Variants in CALD1 observed in about 807,000 individuals in gnomAD.
The protein encoded by CALD1 is caldesmon 1, also known as caldesmon.
A neutral mutation model predicts 99.9 loss-of-function variants in CALD1; 33 were observed. The observed-to-expected ratio is 0.33, with a 90% CI of 0.25 to 0.44. The LOEUF (loss-of-function observed/expected upper bound fraction) is 0.44. CALD1 is among the 20% of genes least tolerant of loss of function. The pLI is 1.00. For synonymous variants in CALD1, 310 were observed against 325.0 expected, an observed-to-expected ratio of 0.95 and a Z score of 0.50; for missense variants, 861 against 962.1, an observed-to-expected ratio of 0.89 and a Z score of 1.39.
At chr7:134,934,362 GAATT>G (rs1175963367) in intron 5 of CALD1, among the ~76,000 whole-genome samples, 2 of 152,128 alleles carry the variant, frequency 1.3e-5, no homozygotes, top group Non-Finnish European at 2.9e-5. Context: ...CCCAAAAAAA[GAATT>G]AATCCAAAGA....
chr7:134,938,392 A>G (rs1806161449), intron 6 of CALD1, among the ~76,000 whole-genome samples: 1 of 152,170 alleles, frequency 6.6e-6, no homozygotes. Flanking sequence ...ATCCCCATGT[A>G]TTATTCCACT....
chr7:134,806,802 T>C (rs1166576366), intron 1 of CALD1, among the ~76,000 whole-genome samples: 1 of 152,198 alleles, frequency 6.6e-6, no homozygotes, highest in Non-Finnish European at 1.5e-5. Context: ...TACTTATTTT[T>C]CTATATCTGT....
intron 3 of CALD1, among the ~76,000 whole-genome samples, chr7:134,889,282 A>G (rs1802027373): frequency 6.6e-6 from 1 of 152,172 alleles, no homozygotes; most frequent in Admixed American, 6.5e-5. Flanking sequence ...TCCAGCTTCT[A>G]GAGGAAGTCA....
chr7:134,792,787 G>A (rs1402305809), intron 1 of CALD1, among the ~76,000 whole-genome samples: 2 of 152,162 alleles, frequency 1.3e-5, no homozygotes, highest in African/African-American at 4.8e-5. Flanking sequence ...ACTCACAATG[G>A]TGGTAGAAAT....
chr7:134,758,501 G>GTGTGTGTGTGTGT (rs1796748464), intron 1 of CALD1, among the ~76,000 whole-genome samples: 7 of 145,128 alleles, frequency 4.8e-5, no homozygotes, highest in African/African-American at 1.8e-4. Flanking sequence ...CTCCCATTGG[G>GTGTGTGTGTGTGT]GTGTGTGTGT....
chr7:134,779,660 C>T lies in CALD1; in HGVS notation c.-219C>T, dbSNP rs1296551212. 1.0e-5 allele frequency: 4 copies of T among 398,608 alleles called. No homozygotes were observed. The East Asian group carries it at 1.1e-4, about 11-fold the overall frequency. The allele number at this position is 398,608 out of a possible 1,614,324, so 24.7% of individuals were successfully genotyped here. On this transcript the variant is annotated 5_prime_UTR_variant, in exon 1 of 15. Coordinates refer to ENST00000361675, the MANE Select transcript of CALD1 (RefSeq NM_033138.4). ...GTGTGTATTCGGCTGCCTGCCTGCC[C>T]GCCTGCTTGCTCTCTGGCTGTGCTC... is the stretch of plus-strand genomic sequence containing the variant.
intron 4 of CALD1, among the ~76,000 whole-genome samples, chr7:134,932,272 T>C (rs747488259): frequency 2.0e-5 from 3 of 152,118 alleles, no homozygotes; most frequent in African/African-American, 7.2e-5. Flanking sequence ...GTCTCTTCCA[T>C]TGGGGTCACT....
intron 2 of CALD1, among the ~76,000 whole-genome samples, chr7:134,846,983 G>A (rs140185586): frequency 6.2e-4 from 95 of 152,348 alleles, no homozygotes; most frequent in African/African-American, 2.2e-3. Flanking sequence ...TCTAGTTGGG[G>A]TGTTCCAATG....
intron 3 of CALD1, among the ~76,000 whole-genome samples, chr7:134,917,059 C>T (rs138213328): frequency 7.9e-5 from 12 of 152,316 alleles, no homozygotes; most frequent in African/African-American, 2.6e-4. Context: ...TGCTCTGGAG[C>T]AGGTGTGATT....
At chr7:134,754,843 T>C (rs1796714305) in intron 1 of CALD1, among the ~76,000 whole-genome samples, 1 of 152,220 alleles carries the variant, frequency 6.6e-6, no homozygotes, top group African/African-American at 2.4e-5. Flanking sequence ...TGTGTGAAGG[T>C]TTCTTTAGAG....
At chr7:134,813,606 A>C (rs1406537739) in intron 1 of CALD1, among the ~76,000 whole-genome samples, 1 of 152,142 alleles carries the variant, frequency 6.6e-6, no homozygotes, top group Non-Finnish European at 1.5e-5. Context: ...CTCTTATCTG[A>C]TTGCCTCTAT....
At chr7:134,781,855 C>T (rs1443737013) in intron 1 of CALD1, among the ~76,000 whole-genome samples, 1 of 152,302 alleles carries the variant, frequency 6.6e-6, no homozygotes, top group East Asian at 1.9e-4. Context: ...GCTCAAACTG[C>T]AGTTTAAAGG....
intron 4 of CALD1, among the ~76,000 whole-genome samples, chr7:134,930,845 C>G (rs1251714057): frequency 6.6e-6 from 1 of 152,152 alleles, no homozygotes; most frequent in Non-Finnish European, 1.5e-5. Flanking sequence ...ATTCTTAACA[C>G]GGGAGGGCAA....
At chr7:134,938,851 T>C (rs1466339359) in intron 6 of CALD1, among the ~76,000 whole-genome samples, 1 of 152,222 alleles carries the variant, frequency 6.6e-6, no homozygotes, top group East Asian at 1.9e-4. Flanking sequence ...GTTAGACATG[T>C]ATCATCTTAC....
chr7:134,739,079 T>C, the CALD1 span, among the ~76,000 whole-genome samples: 1 of 152,184 alleles, frequency 6.6e-6, no homozygotes, highest in East Asian at 1.9e-4. Flanking sequence ...GAGGGAACAT[T>C]GGTGACTGGA....
chr7:134,936,244 G>C (rs1277460072), intron 6 of CALD1, among the ~76,000 whole-genome samples: 1 of 152,190 alleles, frequency 6.6e-6, no homozygotes, highest in East Asian at 1.9e-4. Flanking sequence ...ATGGTGAACT[G>C]AAGATGATAT....
Position 134,806,913 on chromosome 7 carries a change from GC to G in CALD1, c.-130+27166del, listed in dbSNP as rs1798161659. Among the ~76,000 whole-genome samples the G allele has an allele frequency of 2.0e-5, 3 of 152,064 alleles. No individual in the cohort carries two copies. The South Asian group carries it at 6.2e-4, about 31-fold the overall frequency. ...GTAGATCTAGTAAATGAAACAGATT[GC>G]CTTGGACTATCTTAATAACCATTGC... is the stretch of plus-strand genomic sequence containing the variant. On this transcript the variant is annotated intron_variant, in intron 1 of 14. Coordinates refer to ENST00000361675, the MANE Select transcript of CALD1 (RefSeq NM_033138.4).
At chr7:134,891,602 C>T (rs1340961861) in intron 3 of CALD1, 2 of 1,605,400 alleles carry the variant, frequency 1.2e-6, no homozygotes, top group Admixed American at 3.4e-5. Flanking sequence ...TGCCCCGCCG[C>T]CCCTTCCCAA....
intron 3 of CALD1, among the ~76,000 whole-genome samples, chr7:134,903,923 T>C (rs984451651): frequency 6.6e-6 from 1 of 152,044 alleles, no homozygotes; most frequent in Non-Finnish European, 1.5e-5. Context: ...ATTTAATCCA[T>C]AAGCAATAAG....
Sources: allele counts gnomAD v4.1 joint callset (sites outside exome capture counted in the v4.1 genomes callset), GRCh38; gene constraint gnomAD v4.1.1; transcripts MANE v1.5; gene names NCBI Gene and HGNC (gene_info 2026-07-23, HGNC 2026-07-21).